NBEA: variants seen among roughly 807,000 people sequenced by gnomAD.
NBEA encodes the protein lysosomal-trafficking regulator 2.
A neutral mutation model predicts 343.4 loss-of-function variants in NBEA; 44 were observed. That is an observed-to-expected ratio of 0.13 (90% confidence interval 0.10 to 0.16). NBEA has a LOEUF of 0.16. NBEA is among the 10% of genes least tolerant of loss of function. The pLI, the probability that NBEA is intolerant of heterozygous loss-of-function variation, is 1.00. For missense variants in NBEA, 2,555 were observed against 3,631.3 expected (o/e 0.70, Z 7.62); for synonymous variants, 1,175 against 1,238.7 (o/e 0.95, Z 1.08).
chr13:35,475,448 C>T, intron 41 of NBEA: 3 of 1,613,224 alleles, frequency 1.9e-6, no homozygotes, highest in Non-Finnish European at 2.5e-6. Flanking sequence ...AACTGCAGCA[C>T]CCAGGCGTCG....
At chr13:35,274,266 A>C (rs180742441) in intron 34 of NBEA, among the ~76,000 whole-genome samples, 2 of 152,240 alleles carry the variant, frequency 1.3e-5, no homozygotes, top group Non-Finnish European at 2.9e-5. Context: ...CAAAAACCAC[A>C]TGGTTATCTC....
intron 41 of NBEA, among the ~76,000 whole-genome samples, chr13:35,511,516 A>G (rs1370011182): frequency 6.6e-6 from 1 of 152,180 alleles, no homozygotes; most frequent in African/African-American, 2.4e-5. Flanking sequence ...AATAATCACT[A>G]GCATAATTAT....
intron 36 of NBEA, among the ~76,000 whole-genome samples, chr13:35,344,422 A>C (rs762522402): frequency 1.4e-4 from 22 of 152,050 alleles, no homozygotes; most frequent in Non-Finnish European, 2.9e-4. Context: ...GAAGTTTAAC[A>C]GAAATCAGCA....
chr13:35,502,725 C>T (rs181701603), intron 41 of NBEA, among the ~76,000 whole-genome samples: 22 of 152,148 alleles, frequency 1.4e-4, no homozygotes, highest in Admixed American at 1.1e-3. Context: ...GCAAATTCTC[C>T]TCCCCTCCCT....
intron 17 of NBEA, among the ~76,000 whole-genome samples, chr13:35,129,488 A>G (rs192009728): frequency 7.0e-4 from 107 of 152,250 alleles, no homozygotes; most frequent in East Asian, 3.9e-4. Flanking sequence ...AGTAATTACA[A>G]TGAACACCTA....
chr13:35,335,690 A>T (rs1371511632), intron 36 of NBEA, among the ~76,000 whole-genome samples: 2 of 151,852 alleles, frequency 1.3e-5, no homozygotes, highest in African/African-American at 4.8e-5. Context: ...ACATATATTA[A>T]TGTTAATTAA....
intron 47 of NBEA, among the ~76,000 whole-genome samples, chr13:35,601,548 G>A (rs566896075): frequency 9.3e-4 from 141 of 152,008 alleles, no homozygotes; most frequent in Admixed American, 2.0e-3. Flanking sequence ...CAGATCACGA[G>A]GTCAAGAGTT....
chr13:35,492,819 T>G (rs1389418748), intron 41 of NBEA, among the ~76,000 whole-genome samples: 5 of 151,968 alleles, frequency 3.3e-5, no homozygotes, highest in African/African-American at 9.6e-5. Flanking sequence ...TGAGGTAAGC[T>G]TCAAGAAGGG....
At chr13:35,590,626 A>T (rs1055917175) in intron 46 of NBEA, among the ~76,000 whole-genome samples, 2 of 152,092 alleles carry the variant, frequency 1.3e-5, no homozygotes, top group African/African-American at 4.8e-5. Context: ...GCGGCTGATG[A>T]TAAGAAGTAC....
At chr13:35,319,626 G>A (rs751232483) in intron 36 of NBEA, among the ~76,000 whole-genome samples, 2 of 152,166 alleles carry the variant, frequency 1.3e-5, no homozygotes, top group Non-Finnish European at 2.9e-5. Context: ...GTCCAGAGCT[G>A]AATTTAAGTC....
At chr13:35,114,261 C>A (rs1383275044) in intron 13 of NBEA, among the ~76,000 whole-genome samples, 1 of 152,114 alleles carries the variant, frequency 6.6e-6, no homozygotes, top group Non-Finnish European at 1.5e-5. Flanking sequence ...ACAGCAGTAC[C>A]TTCAATTCCA....
rs1276245119 is a variant in NBEA, at chr13:35,211,183, T to G, written c.5648+4T>G. 1 of 1,548,358 alleles carries G rather than the reference T, an allele frequency of 6.5e-7. No homozygotes were observed. ...AAGATTCAGCTGAAAATATGAGGTA[T>G]GCATGACTACTTTTTATTCATTTTA... On this transcript the variant is annotated splice_donor_region_variant and intron_variant, in intron 33 of 58. Coordinates refer to ENST00000379939, the MANE Select transcript of NBEA (RefSeq NM_001385012.1).
intron 4 of NBEA, among the ~76,000 whole-genome samples, chr13:35,047,592 G>C (rs927216181): frequency 1.3e-5 from 2 of 151,842 alleles, no homozygotes; most frequent in African/African-American, 4.8e-5. Context: ...AACTGTAAAA[G>C]AACTAGTGGA....
At chr13:35,077,889 T>C (rs567146752) in intron 10 of NBEA, among the ~76,000 whole-genome samples, 1 of 152,292 alleles carries the variant, frequency 6.6e-6, no homozygotes, top group South Asian at 2.1e-4. Context: ...AGCAGGGACA[T>C]TCTAGAACAT....
intron 1 of NBEA, among the ~76,000 whole-genome samples, chr13:35,030,868 C>T (rs938311583): frequency 2.0e-5 from 3 of 151,478 alleles, no homozygotes; most frequent in African/African-American, 4.8e-5. Context: ...TTTTTGGCTG[C>T]GAAAGATGTA....
intron 1 of NBEA, among the ~76,000 whole-genome samples, chr13:34,954,890 G>A (rs1329194451): frequency 1.3e-5 from 2 of 152,094 alleles, no homozygotes; most frequent in African/African-American, 4.8e-5. Flanking sequence ...ATCCCCTATT[G>A]GTTGAATCTA....
intron 39 of NBEA, among the ~76,000 whole-genome samples, chr13:35,444,663 G>A (rs1467269256): frequency 1.3e-5 from 2 of 151,934 alleles, no homozygotes; most frequent in African/African-American, 4.8e-5. Context: ...TTTCTATTCT[G>A]CCAGTGTCCT....
At chr13:35,664,384 G>T (rs1410862868) in intron 55 of NBEA, among the ~76,000 whole-genome samples, 1 of 152,134 alleles carries the variant, frequency 6.6e-6, no homozygotes, top group Non-Finnish European at 1.5e-5. Flanking sequence ...AGGAAAACAG[G>T]CAAGCATGCA....
chr13:34,943,017 C>T lies in NBEA; in HGVS notation c.197C>T (p.Pro66Leu). ...GCGGGGATGATTAACCCTTCGGTGC[C>T]GATCCGCAACATCCGGATGAAATTC... ...LPAGMINPSV[P>L]IRNIRMKFAV... Residue 66 changes from proline to leucine, a missense_variant, in exon 1 of 59, where the codon CCG becomes CTG. Physicochemically the swap from Pro to Leu is moderately conservative, Grantham distance 98. Around this residue, in one of 21 missense-constraint regions of NBEA, gnomAD observed 185 missense variants for 290.6 expected, o/e 0.64. Transcript: ENST00000379939. 6.2e-7 allele frequency: 1 copy of T among 1,612,802 alleles called. No homozygotes were observed. Among genetic ancestry groups the T allele is most frequent in the Non-Finnish European group, 8.5e-7 (1 of 1,179,444 alleles).
Sources: gnomAD v4.1 joint callset for allele counts (sites outside exome capture counted in the v4.1 genomes callset) on GRCh38, gnomAD v4.1.1 for gene constraint, gnomAD v4.1.1 regional missense constraint, MANE v1.5 for transcripts, NCBI Gene and HGNC (gene_info 2026-07-23, HGNC 2026-07-21) for gene names.